The following C2CD2 variants were observed in gnomAD, a reference collection of about 807,000 sequenced individuals.
C2CD2 encodes the protein C2 calcium dependent domain containing 2.
A neutral mutation model predicts 74.3 loss-of-function variants in C2CD2; 43 were observed. The observed-to-expected ratio is 0.58, with a 90% CI of 0.45 to 0.75. The LOEUF (loss-of-function observed/expected upper bound fraction) is 0.75, where lower values mean the gene tolerates loss of function less well. Among genes scored for constraint, C2CD2 ranks in the 30% least tolerant of loss-of-function variants. The pLI is 0.00. For synonymous variants in C2CD2, 422 were observed against 390.7 expected (o/e 1.08, Z -0.94); for missense variants, 801 against 916.3 (o/e 0.87, Z 1.63).
chr21:41,897,766 G>A (rs746606084), intron 13 of C2CD2, among the ~76,000 whole-genome samples: 7 of 152,228 alleles, frequency 4.6e-5, no homozygotes, highest in Non-Finnish European at 8.8e-5. Flanking sequence ...CAAAGACAGG[G>A]AGAGAGGGGA....
At position 41,892,874 on chromosome 21, in the gene C2CD2, C is replaced by A. The variant is rs1409141875; in HGVS notation, c.1871-3530G>T. Among the ~76,000 whole-genome samples, 1 of 152,260 alleles carries A rather than the reference C, an allele frequency of 6.6e-6. No individual in the cohort carries two copies. Among genetic ancestry groups the A allele is most frequent in the Non-Finnish European group, 1.5e-5 (1 of 68,046 alleles). ...GCACTTCACTCTGGGGGCCGGCAGA[C>A]CACAGGGCTGTGTGGGTAGAAGCTG... On this transcript the variant is annotated intron_variant, in intron 13 of 13. Transcript: ENST00000380486. The surrounding 1 kb of genome is among the most constrained non-coding windows in gnomAD (Gnocchi z 4.6).
intron 1 of C2CD2, among the ~76,000 whole-genome samples, chr21:41,947,137 T>TCTCTCTCTCTCTCCCCCTCC (rs778013814): frequency 3.9e-5 from 1 of 25,638 alleles, no homozygotes; most frequent in African/African-American, 1.6e-4. Flanking sequence ...TCTCTCTCTC[T>TCTCTCTCTCTCTCCCCCTCC]CTCCCTCCCT....
chr21:41,928,544 C>CAAAAAAAAA (rs59346777), intron 2 of C2CD2, among the ~76,000 whole-genome samples: 81 of 72,252 alleles, frequency 1.1e-3, no homozygotes, highest in African/African-American at 3.7e-3. Flanking sequence ...TAAAGCAAAG[C>CAAAAAAAAA]AAAAAAAAAA....
rs183774917 is a variant in C2CD2, at chr21:41,934,365, G to T, written c.378+7782C>A. ...GGACTGTTGAGCCCAGGAGGTGGAG[G>T]CTGCAGTGAGCAGTGTCTGTGCCAG... On this transcript the variant is annotated intron_variant, in intron 2 of 13. Transcript: ENST00000380486. 3.9e-5 allele frequency among the ~76,000 whole-genome samples: 6 copies of T among 152,322 alleles called. No individual in the cohort carries two copies. The East Asian group carries it at 1.2e-3, about 29-fold the overall frequency.
In C2CD2 at chr21:41,908,243, T is replaced by TTGTG. The variant is rs10528071; in HGVS notation, c.1019-463_1019-460dup. 233 of 168,954 alleles carry TTGTG rather than the reference T, an allele frequency of 1.4e-3. 1 individual carries two copies. The highest frequency in any genetic ancestry group is 5.6e-3 in the African/African-American group (221 of 39,652). The allele number at this position is 168,954 out of a possible 1,614,324, so 10.5% of individuals were successfully genotyped here. On this transcript the variant is annotated intron_variant, in intron 8 of 13. Transcript: ENST00000380486. Reference sequence around the variant, plus strand: ...AAGATGCATACAATTTACCCTCAAGTTGTGTGTGTGTGTGTGTGTAAAAGA... The same window carrying TTGTG: ...AAGATGCATACAATTTACCCTCAAGTTGTGTGTGTGTGTGTGTGTGTGTAAAAGA...
intron 10 of C2CD2, among the ~76,000 whole-genome samples, chr21:41,906,339 C>T (rs1462072581): frequency 1.3e-5 from 2 of 152,184 alleles, no homozygotes; most frequent in Non-Finnish European, 2.9e-5. Flanking sequence ...TCCCCACATA[C>T]AGGTAATAGA....
At chr21:41,944,484 T>C (rs1173049957) in intron 1 of C2CD2, among the ~76,000 whole-genome samples, 7 of 130,248 alleles carry the variant, frequency 5.4e-5, no homozygotes, top group African/African-American at 2.1e-4. Context: ...ATCATGCCAC[T>C]GCACTTGAGC....
At chr21:41,951,728 T>C (rs2065452218) in intron 1 of C2CD2, among the ~76,000 whole-genome samples, 1 of 152,228 alleles carries the variant, frequency 6.6e-6, no homozygotes, top group Admixed American at 6.5e-5. Context: ...CATCCTCTTC[T>C]CTGCCTCTCA....
At chr21:41,908,361 G>A (rs2064989889) in intron 8 of C2CD2, 1 of 153,188 alleles carries the variant, frequency 6.5e-6, no homozygotes, top group Admixed American at 6.6e-5. Flanking sequence ...TTTGAGTAAA[G>A]GTTATGTGGC....
Position 41,945,704 on chromosome 21 carries a change from G to A in C2CD2, c.280-3459C>T, listed in dbSNP as rs1253398528. On this transcript the variant is annotated intron_variant, in intron 1 of 13. Transcript: ENST00000380486. This position sits in a 1 kb window ranked among gnomAD's most constrained non-coding sequence, Gnocchi z 4.2. ...ATCATGGGGCAGTCTCTCCCATACTGTTCTCATATAGTGAGTTCTCACAAG... is the reference window on the plus strand; with the variant it reads ...ATCATGGGGCAGTCTCTCCCATACTATTCTCATATAGTGAGTTCTCACAAG... Among the ~76,000 whole-genome samples the A allele has an allele frequency of 6.6e-6, 1 of 152,182 alleles. No homozygotes were observed. Among genetic ancestry groups the A allele is most frequent in the South Asian group, 2.1e-4 (1 of 4,830 alleles).
At chr21:41,893,698 CT>C (rs60305027) in intron 13 of C2CD2, among the ~76,000 whole-genome samples, 3,333 of 121,960 alleles carry the variant, frequency 0.027, 16 homozygotes, top group Non-Finnish European at 0.042. Context: ...TGTTAAATTT[CT>C]TTTTTTTTTT....
rs955125626 is a variant in C2CD2 at position 41,925,775 on chromosome 21, C to T, written c.379-3690G>A. Among the ~76,000 whole-genome samples, 17 of 152,208 alleles carry T rather than the reference C, an allele frequency of 1.1e-4. 1 individual carries two copies. Among genetic ancestry groups the T allele is most frequent in the South Asian group, 4.1e-4 (2 of 4,832 alleles). ...CTCGCATCACAGCAGAAGTCAGGATCGCCTGACACAGGTAAGCAGCTCCTC... is the reference window on the plus strand; with the variant it reads ...CTCGCATCACAGCAGAAGTCAGGATTGCCTGACACAGGTAAGCAGCTCCTC... On this transcript the variant is annotated intron_variant, in intron 2 of 13. Transcript: ENST00000380486.
intron 13 of C2CD2, among the ~76,000 whole-genome samples, chr21:41,890,786 C>T (rs2064743425): frequency 1.3e-5 from 2 of 152,192 alleles, no homozygotes; most frequent in Non-Finnish European, 1.5e-5. Flanking sequence ...ACAATTGTGG[C>T]ATCTGAGGGC....
chr21:41,943,592 C>CCG (rs2065373553), intron 1 of C2CD2, among the ~76,000 whole-genome samples: 1 of 152,168 alleles, frequency 6.6e-6, no homozygotes, highest in Non-Finnish European at 1.5e-5. Flanking sequence ...CTCATCTCCA[C>CCG]CGTGGTGAGC....
In C2CD2 at chr21:41,929,911, G is replaced by A. The variant is rs1016366017; in HGVS notation, c.379-7826C>T. Among the ~76,000 whole-genome samples the A allele has an allele frequency of 6.6e-6, 1 of 152,252 alleles. No individual in the cohort carries two copies. Among genetic ancestry groups the A allele is most frequent in the Non-Finnish European group, 1.5e-5 (1 of 68,044 alleles). ...ACTTTGCATTCCAAAGCTTAGCTTA[G>A]GGGAAGAACAGGCTTCTGCCTTAAG... On this transcript the variant is annotated intron_variant, in intron 2 of 13. Coordinates refer to ENST00000380486, the MANE Select transcript of C2CD2 (RefSeq NM_015500.2). The surrounding 1 kb of genome is among the most constrained non-coding windows in gnomAD (Gnocchi z 4.6).
intron 2 of C2CD2, among the ~76,000 whole-genome samples, chr21:41,938,024 T>A (rs146082216): frequency 1.5e-3 from 227 of 152,290 alleles, no homozygotes; most frequent in African/African-American, 5.1e-3. Flanking sequence ...TCAAGAGACC[T>A]ATTGCATACC....
rs1471903793 is a variant in C2CD2 at position 41,892,767 on chromosome 21, A to G, written c.1871-3423T>C. On this transcript the variant is annotated intron_variant, in intron 13 of 13. Transcript: ENST00000380486. The surrounding 1 kb of genome is among the most constrained non-coding windows in gnomAD (Gnocchi z 4.6). ...AGTGCTTAGAGCACTCGGAGGCCAC[A>G]GCCGACAACGCAGGAGCAGGCCAGG... Among the ~76,000 whole-genome samples the G allele has an allele frequency of 6.6e-6, 1 of 152,252 alleles. No individual in the cohort carries two copies. The highest frequency in any genetic ancestry group is 2.4e-5 in the African/African-American group (1 of 41,474).
chr21:41,908,222 T>G (rs1201591227), intron 8 of C2CD2: 4 of 227,892 alleles, frequency 1.8e-5, no homozygotes, highest in Non-Finnish European at 3.4e-5. Context: ...AGGGCCAAGA[T>G]GCATACAATT....
chr21:41,905,671 CA>C, intron 11 of C2CD2, 52 bp downstream of exon 11: 2 of 945,704 alleles, frequency 2.1e-6, no homozygotes, highest in East Asian at 2.4e-5. Context: ...CAGAACAGCC[CA>C]AAAGGCCCAA....
Sources: allele counts gnomAD v4.1 joint callset (sites outside exome capture counted in the v4.1 genomes callset), GRCh38; gene constraint gnomAD v4.1.1; non-coding constraint Gnocchi (gnomAD v3.1); transcripts MANE v1.5; gene names NCBI Gene and HGNC (gene_info 2026-07-23, HGNC 2026-07-21).